The following TRIM9 variants were observed in gnomAD, a reference collection of about 807,000 sequenced individuals.
The protein encoded by TRIM9 is tripartite motif containing 9, also known as E3 ubiquitin-protein ligase TRIM9.
In TRIM9, 26 loss-of-function variants were observed where a neutral mutation model predicts 78.3. The ratio of observed to expected loss-of-function variants is 0.33; its 90% CI spans 0.24 to 0.46. The LOEUF is 0.46. TRIM9 is among the 20% of genes least tolerant of loss of function. The pLI, the probability that TRIM9 is intolerant of heterozygous loss-of-function variation, is 1.00. For synonymous variants in TRIM9, 398 were observed against 416.5 expected, an observed-to-expected ratio of 0.96 and a Z score of 0.54; for missense variants, 787 against 1,036.4, an observed-to-expected ratio of 0.76 and a Z score of 3.30.
intron 1 of TRIM9, among the ~76,000 whole-genome samples, chr14:51,035,728 T>C (rs550028770): frequency 2.0e-5 from 3 of 152,170 alleles, no homozygotes; most frequent in Non-Finnish European, 4.4e-5. Context: ...TTAGGGCTCT[T>C]CGAAAAGAAA....
At chr14:50,998,241 C>A in intron 6 of TRIM9, 53 bp from the exon 7 acceptor site, 1 of 1,572,824 alleles carries the variant, frequency 6.4e-7, no homozygotes, top group Non-Finnish European at 8.7e-7. Flanking sequence ...TTCTGAGGGG[C>A]GAGGGAGGCA....
chr14:51,024,036 A>G (rs1186833355), intron 2 of TRIM9, among the ~76,000 whole-genome samples: 7 of 152,254 alleles, frequency 4.6e-5, no homozygotes, highest in Admixed American at 3.9e-4. Flanking sequence ...TTGCTTGAGC[A>G]ATGCTAAATT....
At chr14:50,998,221 G>A (rs2054474545) in intron 6 of TRIM9, 33 bp from the exon 7 acceptor site, 2 of 1,606,410 alleles carry the variant, frequency 1.2e-6, no homozygotes, top group Middle Eastern at 1.6e-4. Flanking sequence ...ACAGCACTTA[G>A]CCTGCCCCCT....
chr14:51,019,416 T>C (rs2057534623), intron 3 of TRIM9, among the ~76,000 whole-genome samples: 1 of 152,220 alleles, frequency 6.6e-6, no homozygotes, highest in African/African-American at 2.4e-5. Context: ...TTTCAAACAG[T>C]TTCCCTCAAA....
intron 11 of TRIM9, among the ~76,000 whole-genome samples, chr14:50,980,367 A>AT (rs202077847): frequency 0.014 from 2,138 of 152,248 alleles, 28 homozygotes; most frequent in Middle Eastern, 0.061. Context: ...TGTCTTTCCC[A>AT]TTTTTTTGAG....
rs1211958238 is a variant in TRIM9, at chr14:50,976,866, C to T, written c.*425G>A. 6.5e-6 allele frequency: 1 copy of T among 153,766 alleles called. No individual in the cohort carries two copies. The highest frequency in any genetic ancestry group is 1.5e-5 in the Non-Finnish European group (1 of 68,834). 9.5% of individuals were successfully genotyped at this position (153,766 alleles called of 1,614,324 possible). ...CATTCTTCCCTACCTCCCCCTACAA[C>T]CTCATTGTTTGACAGAAAGCTTAAG... is the stretch of plus-strand genomic sequence containing the variant. On this transcript the variant is annotated 3_prime_UTR_variant, in exon 13 of 13. Transcript: ENST00000684578.
chr14:51,075,710 G>A (rs939862707), intron 1 of TRIM9, among the ~76,000 whole-genome samples: 1 of 152,192 alleles, frequency 6.6e-6, no homozygotes, highest in African/African-American at 2.4e-5. Flanking sequence ...ATTAAAAATG[G>A]CAGCGGGGAT....
chr14:51,022,557 G>A (rs1379365344), intron 3 of TRIM9, among the ~76,000 whole-genome samples: 1 of 152,176 alleles, frequency 6.6e-6, no homozygotes, highest in Non-Finnish European at 1.5e-5. Flanking sequence ...TAGAATATAA[G>A]TCCCATGAAG....
intron 12 of TRIM9, among the ~76,000 whole-genome samples, chr14:50,978,467 C>A (rs146434565): frequency 4.6e-5 from 7 of 152,294 alleles, no homozygotes; most frequent in Admixed American, 1.3e-4. Context: ...CATGCAAGGC[C>A]CCTCATGCCT....
At chr14:51,022,211 T>C (rs901724669) in intron 3 of TRIM9, among the ~76,000 whole-genome samples, 25 of 152,016 alleles carry the variant, frequency 1.6e-4, no homozygotes, top group Non-Finnish European at 1.9e-4. Flanking sequence ...CTTTAAGGAG[T>C]GATTAGGACA....
chr14:50,979,259 C>T, intron 12 of TRIM9, 128 bp downstream of exon 12: 1 of 1,545,434 alleles, frequency 6.5e-7, no homozygotes, highest in Non-Finnish European at 8.7e-7. Flanking sequence ...CTCTCCTCCT[C>T]TCCTTCATAT....
chr14:51,050,601 C>A (rs1450592370), intron 1 of TRIM9, among the ~76,000 whole-genome samples: 1 of 152,108 alleles, frequency 6.6e-6, no homozygotes, highest in Non-Finnish European at 1.5e-5. Context: ...CTATGTTTCC[C>A]CTCCTCAAAA....
At position 51,012,558 on chromosome 14, in the gene TRIM9, T is replaced by C. The variant is rs891134620; in HGVS notation, c.1042-2064A>G. On this transcript the variant is annotated intron_variant, in intron 3 of 12. Transcript: ENST00000684578. Reference sequence around the variant, plus strand: ...CTTTGTAAGTCTCCGCTTTCACTTCTTTGGGGTATTATACCCAGAAGTGGA... The same window carrying C: ...CTTTGTAAGTCTCCGCTTTCACTTCCTTGGGGTATTATACCCAGAAGTGGA... Among the ~76,000 whole-genome samples the C allele has an allele frequency of 5.3e-5, 8 of 152,238 alleles. 1 individual carries two copies. Among genetic ancestry groups the C allele is most frequent in the African/African-American group, 1.4e-4 (6 of 41,468 alleles).
At position 50,979,342 on chromosome 14, in the gene TRIM9, CG is replaced by C. The variant is rs763254107; in HGVS notation, c.2325+44del. 6.2e-6 allele frequency: 10 copies of C among 1,614,118 alleles called. No individual in the cohort carries two copies. The Admixed American group carries it at 1.5e-4, about 24-fold the overall frequency. ...GAACGGCCCTGGGCAGCCTTTGAAC[CG>C]GTAGCCAGCAACAGCTGTTTAACCT... On this transcript the variant is annotated intron_variant, in intron 12 of 12. Coordinates refer to ENST00000684578, the MANE Select transcript of TRIM9 (RefSeq NM_001387360.1).
chr14:51,026,831 T>C (rs2058275934), intron 1 of TRIM9, among the ~76,000 whole-genome samples: 1 of 152,166 alleles, frequency 6.6e-6, no homozygotes, highest in South Asian at 2.1e-4. Flanking sequence ...TCTGAATTAC[T>C]CCAATGGAAA....
Position 51,094,542 on chromosome 14 carries a change from C to T in TRIM9, c.398G>A (p.Arg133His). The T allele has an allele frequency of 1.2e-6, 2 of 1,613,082 alleles. No homozygotes were observed. Among genetic ancestry groups the T allele is most frequent in the Non-Finnish European group, 8.5e-7 (1 of 1,179,798 alleles). ...NSCITCPQCH[R>H]SLILDDRGLR... Reference sequence around the variant, plus strand: ...CCCCCGGTCATCCAGGATGAGGCTGCGGTGACACTGGGGGCAGGTGATACA... The same window carrying T: ...CCCCCGGTCATCCAGGATGAGGCTGTGGTGACACTGGGGGCAGGTGATACA... Residue 133 changes from arginine (R) to histidine (H), a missense_variant, in exon 1 of 13, where the codon CGC (arginine) becomes CAC (histidine). By Grantham distance (29) the Arg-to-His change is conservative. Transcript: ENST00000684578.
chr14:51,018,532 AT>A (rs1305628718), intron 3 of TRIM9, among the ~76,000 whole-genome samples: 1 of 152,206 alleles, frequency 6.6e-6, no homozygotes, highest in Admixed American at 6.5e-5. Flanking sequence ...ACATAATGGG[AT>A]CATAACAGGC....
At chr14:51,022,261 T>A (rs1372238280) in intron 3 of TRIM9, among the ~76,000 whole-genome samples, 2 of 152,158 alleles carry the variant, frequency 1.3e-5, no homozygotes, top group Middle Eastern at 3.2e-3. Context: ...TGCTATTATC[T>A]TGGGAGTGGG....
At position 51,016,212 on chromosome 14, in the gene TRIM9, T is replaced by C. The variant is rs548590709; in HGVS notation, c.1042-5718A>G. ...TAAATAGGTATTATATTGTATTGTT[T>C]AGGCAAGGGCAGGGGTCCTCAACCC... On this transcript the variant is annotated intron_variant, in intron 3 of 12. Coordinates refer to ENST00000684578, the MANE Select transcript of TRIM9 (RefSeq NM_001387360.1). Among the ~76,000 whole-genome samples the C allele has an allele frequency of 2.0e-5, 3 of 152,206 alleles. 1 individual carries two copies. The South Asian group carries it at 6.2e-4, about 32-fold the overall frequency.
Sources: allele counts gnomAD v4.1 joint callset (sites outside exome capture counted in the v4.1 genomes callset), GRCh38; gene constraint gnomAD v4.1.1; transcripts MANE v1.5; gene names NCBI Gene and HGNC (gene_info 2026-07-23, HGNC 2026-07-21).